Variants in TIAM2 observed in about 807,000 individuals in gnomAD.
TIAM2 encodes the protein rho guanine nucleotide exchange factor TIAM2.
In TIAM2, 80 loss-of-function variants were observed where a neutral mutation model predicts 152.9. That is an observed-to-expected ratio of 0.52 (90% confidence interval 0.44 to 0.63). The LOEUF (loss-of-function observed/expected upper bound fraction) is 0.63. Among genes scored for constraint, TIAM2 ranks in the 30% least tolerant of loss-of-function variants. The pLI is 0.00. For missense variants in TIAM2, 1,965 were observed against 2,120.1 expected, an observed-to-expected ratio of 0.93 and a Z score of 1.44; for synonymous variants, 804 against 838.0, an observed-to-expected ratio of 0.96 and a Z score of 0.70.
At chr6:155,158,411 G>C (rs1440182021) in intron 7 of TIAM2, among the ~76,000 whole-genome samples, 1 of 152,232 alleles carries the variant, frequency 6.6e-6, no homozygotes, top group African/African-American at 2.4e-5. Context: ...GTGTTCCCCT[G>C]TAATTTTGTT....
intron 10 of TIAM2, among the ~76,000 whole-genome samples, chr6:155,178,165 TAAAAAAAAAAAA>T (rs557378875): frequency 1.2e-5 from 1 of 83,286 alleles, no homozygotes; most frequent in Non-Finnish European, 2.5e-5. Context: ...CGTCTCAAAT[TAAAAAAAAAAAA>T]AAAAAAAAAA....
chr6:155,081,035 G>A (rs1220892906), intron 1 of TIAM2, among the ~76,000 whole-genome samples: 2 of 152,052 alleles, frequency 1.3e-5, no homozygotes, highest in Admixed American at 6.5e-5. Context: ...ACAGTGAGGG[G>A]GCCAGTCAGG....
intron 2 of TIAM2, among the ~76,000 whole-genome samples, chr6:155,115,117 T>G (rs998921619): frequency 6.7e-6 from 1 of 149,622 alleles, no homozygotes; most frequent in Non-Finnish European, 1.5e-5. Flanking sequence ...CGTGAGCCAC[T>G]GGGCCTGGCC....
At chr6:155,101,392 A>AG (rs1245810318) in intron 2 of TIAM2, among the ~76,000 whole-genome samples, 1 of 152,104 alleles carries the variant, frequency 6.6e-6, no homozygotes, top group East Asian at 1.9e-4. Context: ...AATATTGCCG[A>AG]GGTTTTTTGC....
chr6:155,240,220 C>T (rs1378494006), intron 15 of TIAM2, among the ~76,000 whole-genome samples: 1 of 152,240 alleles, frequency 6.6e-6, no homozygotes, highest in African/African-American at 2.4e-5. Flanking sequence ...AGCTACCTCA[C>T]CTTGACTGCA....
At chr6:155,187,855 C>T (rs764278676) in intron 14 of TIAM2, among the ~76,000 whole-genome samples, 2 of 152,044 alleles carry the variant, frequency 1.3e-5, no homozygotes, top group Non-Finnish European at 1.5e-5. Context: ...TGGGATTACA[C>T]GTGTGAGTCA....
At chr6:155,135,620 G>A (rs574485249) in intron 4 of TIAM2, among the ~76,000 whole-genome samples, 1 of 152,298 alleles carries the variant, frequency 6.6e-6, no homozygotes, top group South Asian at 2.1e-4. Context: ...TTCTAATCCA[G>A]ATATTAGAGA....
chr6:155,123,225 C>T (rs1203305778), intron 2 of TIAM2, among the ~76,000 whole-genome samples: 1 of 151,670 alleles, frequency 6.6e-6, no homozygotes, highest in Non-Finnish European at 1.5e-5. Flanking sequence ...CCCAACATTG[C>T]ACATTTGGTC....
chr6:155,114,591 A>G (rs1250576760), intron 2 of TIAM2, among the ~76,000 whole-genome samples: 1 of 152,018 alleles, frequency 6.6e-6, no homozygotes, highest in Non-Finnish European at 1.5e-5. Flanking sequence ...CAAAATTCTC[A>G]TTTGCATAAT....
At chr6:155,133,501 G>T (rs1779491972) in intron 4 of TIAM2, among the ~76,000 whole-genome samples, 1 of 152,076 alleles carries the variant, frequency 6.6e-6, no homozygotes, top group Non-Finnish European at 1.5e-5. Flanking sequence ...TTCAGGCATA[G>T]AATATAGTGT....
intron 15 of TIAM2, among the ~76,000 whole-genome samples, chr6:155,227,671 G>A (rs1406189443): frequency 6.6e-6 from 1 of 152,200 alleles, no homozygotes; most frequent in African/African-American, 2.4e-5. Context: ...TTGTGAAATT[G>A]CAAGGTACGA....
intron 1 of TIAM2, among the ~76,000 whole-genome samples, chr6:155,027,913 CTG>C (rs1433057909): frequency 1.1e-5 from 1 of 89,644 alleles, no homozygotes; most frequent in Non-Finnish European, 2.0e-5. Context: ...ATAATATGTA[CTG>C]TGTTACATAT....
intron 14 of TIAM2, among the ~76,000 whole-genome samples, chr6:155,202,387 T>A (rs1329728303): frequency 1.3e-5 from 2 of 152,288 alleles, no homozygotes; most frequent in East Asian, 3.9e-4. Context: ...AAAATATGCA[T>A]TGCTATACAA....
rs983226712 is a variant in TIAM2, at chr6:155,250,832, T to G, written c.3952-81T>G. On this transcript the variant is annotated intron_variant, in intron 21 of 26. Transcript: ENST00000682666. Reference sequence around the variant, plus strand: ...GCTGTGCTTGCATTTTAGCAATGACTGTGTGTACATCACTATCTAACAAGA... The same window carrying G: ...GCTGTGCTTGCATTTTAGCAATGACGGTGTGTACATCACTATCTAACAAGA... 5.8e-6 allele frequency: 8 copies of G among 1,387,634 alleles called. No homozygotes were observed. In the Admixed American group the frequency reaches 1.0e-4, roughly 18 times the overall value. The allele number at this position is 1,387,634 out of a possible 1,614,324, so 86.0% of individuals were successfully genotyped here.
At chr6:155,037,150 C>T (rs1427411607) in intron 1 of TIAM2, among the ~76,000 whole-genome samples, 1 of 152,164 alleles carries the variant, frequency 6.6e-6, no homozygotes, top group Admixed American at 6.5e-5. Context: ...CCGTTCTTTT[C>T]TTCTTGAACT....
chr6:155,007,121 A>G (rs1778415060), intron 1 of TIAM2, among the ~76,000 whole-genome samples: 2 of 152,192 alleles, frequency 1.3e-5, no homozygotes, highest in Admixed American at 1.3e-4. Context: ...ACTGCCCTAA[A>G]TAAAGTAAGA....
intron 1 of TIAM2, among the ~76,000 whole-genome samples, chr6:155,024,460 T>C (rs1776559093): frequency 6.6e-6 from 1 of 152,162 alleles, no homozygotes; most frequent in Non-Finnish European, 1.5e-5. Context: ...GGTTTAGGAA[T>C]TGCCATTTGG....
intron 1 of TIAM2, among the ~76,000 whole-genome samples, chr6:155,087,673 C>T (rs969773085): frequency 6.6e-5 from 10 of 151,890 alleles, no homozygotes; most frequent in South Asian, 2.1e-4. Context: ...TGCTTGAACT[C>T]GGGAGGCGGA....
At position 155,128,885 on chromosome 6, in the gene TIAM2, A is replaced by T. The variant is rs370104860; in HGVS notation, c.-6-333A>T. ...CTGTCTCAAAAAAAAAGCAAAAAAA[A>T]ATCATTCAAAGTCTCTCAACACCAA... is the stretch of plus-strand genomic sequence containing the variant. On this transcript the variant is annotated intron_variant, in intron 3 of 26. Coordinates refer to ENST00000682666, the MANE Select transcript of TIAM2 (RefSeq NM_012454.4). Among the ~76,000 whole-genome samples the T allele has an allele frequency of 6.6e-5, 10 of 152,228 alleles. No homozygotes were observed. The East Asian group carries it at 1.5e-3, about 23-fold the overall frequency.
Sources: allele counts gnomAD v4.1 joint callset (sites outside exome capture counted in the v4.1 genomes callset), GRCh38; gene constraint gnomAD v4.1.1; transcripts MANE v1.5; gene names NCBI Gene and HGNC (gene_info 2026-07-23, HGNC 2026-07-21).